Variants in UMODL1 observed in about 807,000 individuals in gnomAD.
The protein encoded by UMODL1 is uromodulin-like 1.
A neutral mutation model predicts 136.3 loss-of-function variants in UMODL1; 128 were observed. That is an observed-to-expected ratio of 0.94 (90% CI 0.81 to 1.09). The LOEUF (loss-of-function observed/expected upper bound fraction) is 1.09, where lower values mean the gene tolerates loss of function less well. Ranked by LOEUF, UMODL1 falls within the 50% of genes least tolerant of loss-of-function variation. The pLI is 0.00. For missense variants in UMODL1, 1,766 were observed against 1,725.6 expected, an observed-to-expected ratio of 1.02 and a Z score of -0.41; for synonymous variants, 721 against 720.0, an observed-to-expected ratio of 1.00 and a Z score of -0.02.
intron 6 of UMODL1, among the ~76,000 whole-genome samples, chr21:42,097,469 TCAG>T (rs2066572126): frequency 6.6e-6 from 1 of 152,154 alleles, no homozygotes; most frequent in Non-Finnish European, 1.5e-5. Context: ...TCTGAGCCTC[TCAG>T]CAGCCAAGGC....
chr21:42,103,232 T>G, intron 8 of UMODL1: 1 of 202,048 alleles, frequency 4.9e-6, no homozygotes, highest in South Asian at 9.8e-5. Context: ...TGTGTAGAAA[T>G]GCCAGAGACC....
At chr21:42,102,574 C>T (rs1216649246) in intron 8 of UMODL1, 1 of 191,684 alleles carries the variant, frequency 5.2e-6, no homozygotes, top group Non-Finnish European at 1.1e-5. Context: ...AACCTTCTGT[C>T]TGAGGGCCCT....
chr21:42,109,605 G>A lies in UMODL1; in HGVS notation c.1563G>A (p.Pro521=), dbSNP rs560407820. 192 of 1,611,478 alleles carry A rather than the reference G, an allele frequency of 1.2e-4. No individual in the cohort carries two copies. The highest frequency in any genetic ancestry group is 4.0e-4 in the South Asian group (36 of 91,082). The change falls in exon 10 of 23, where the codon CCG becomes CCA. Residue 521 remains proline, a synonymous_variant. Transcript: ENST00000408910. ...ACAGCGCGGAACACGACTGCTCACC[G>A]GCTGCCTGGTGCATCAACCTGGAGG... ...CVDSAEHDCS[P]AAWCINLEGS...
intron 20 of UMODL1, among the ~76,000 whole-genome samples, chr21:42,129,359 CT>C (rs1291736020): frequency 3.3e-5 from 5 of 152,294 alleles, no homozygotes; most frequent in African/African-American, 1.2e-4. Flanking sequence ...CTGCAGCAAC[CT>C]TTGGAGAACA....
chr21:42,066,853 C>T (rs529417871), upstream of UMODL1, among the ~76,000 whole-genome samples: 1 of 152,360 alleles, frequency 6.6e-6, no homozygotes, highest in Admixed American at 6.5e-5. Context: ...TTTGCAGTCT[C>T]TTAGCCATTG....
At chr21:42,080,365 G>A (rs890877117) in intron 2 of UMODL1, among the ~76,000 whole-genome samples, 9 of 152,182 alleles carry the variant, frequency 5.9e-5, no homozygotes, top group African/African-American at 9.6e-5. Flanking sequence ...CTGTGGCGGG[G>A]CCTCCAGGTC....
intron 6 of UMODL1, among the ~76,000 whole-genome samples, chr21:42,095,089 G>GTTTTTTTTGT (rs1555922533): frequency 3.3e-5 from 2 of 61,188 alleles, no homozygotes; most frequent in African/African-American, 6.3e-5. Context: ...TTCTTCTGCT[G>GTTTTTTTTGT]TTTTTTTTTT....
intron 2 of UMODL1, among the ~76,000 whole-genome samples, chr21:42,080,602 A>G (rs1346116924): frequency 6.6e-6 from 1 of 152,266 alleles, no homozygotes; most frequent in East Asian, 1.9e-4. Flanking sequence ...CAACTGGTGC[A>G]TTATTTTAAG....
chr21:42,119,252 T>TC lies in UMODL1; in HGVS notation c.2618dup (p.Ala874SerfsTer27), dbSNP rs1192919372. The TC allele has an allele frequency of 6.2e-7, 1 of 1,614,160 alleles. No homozygotes were observed. The highest frequency in any genetic ancestry group is 8.5e-7 in the Non-Finnish European group (1 of 1,180,014). On this transcript the variant is annotated frameshift_variant, in exon 15 of 23. Transcript: ENST00000408910. LOFTEE classifies it high-confidence loss of function. ...CGCAGATGTGGATGTCCAGGAGGTG[T>TC]CAGCTGCATTTCTCACCGCCTTCCA...
chr21:42,076,753 A>T (rs2146422325), intron 2 of UMODL1, among the ~76,000 whole-genome samples: 1 of 152,248 alleles, frequency 6.6e-6, no homozygotes, highest in South Asian at 2.1e-4. Context: ...CGTAGCCAAA[A>T]TCCTATTCTG....
rs1034059936 is a variant in UMODL1 at position 42,085,841 on chromosome 21, GC to G, written c.603+432del. Among the ~76,000 whole-genome samples, 60 of 152,288 alleles carry G rather than the reference GC, an allele frequency of 3.9e-4. No homozygotes were observed. The highest frequency in any genetic ancestry group is 1.3e-3 in the African/African-American group (54 of 41,566). On this transcript the variant is annotated intron_variant, in intron 4 of 22. Transcript: ENST00000408910. The surrounding 1 kb of genome is among the most constrained non-coding windows in gnomAD (Gnocchi z 4.5). ...TGGGAGTGCTGAGATGGGAACCGTA[GC>G]CCAGGGCTGGAGAGCACCCTGGGGT... is the stretch of plus-strand genomic sequence containing the variant.
chr21:42,064,140 G>A (rs550621189), intron 1 of UMODL1, among the ~76,000 whole-genome samples: 3 of 152,110 alleles, frequency 2.0e-5, no homozygotes, highest in Non-Finnish European at 2.9e-5. Context: ...GGCGTTCTCC[G>A]TTGGCAGTTC....
At chr21:42,126,624 G>A in intron 18 of UMODL1, 134 bp downstream of exon 18, 1 of 1,393,590 alleles carries the variant, frequency 7.2e-7, no homozygotes, top group Non-Finnish European at 9.7e-7. Context: ...TGGCCTGGCT[G>A]CTCCCCAAAT....
intron 8 of UMODL1, chr21:42,103,195 G>C (rs577269171): frequency 1.1e-5 from 2 of 189,570 alleles, no homozygotes; most frequent in African/African-American, 2.3e-5. Flanking sequence ...TGGAACAAAA[G>C]GGCAGTTAGT....
intron 1 of UMODL1, among the ~76,000 whole-genome samples, chr21:42,074,945 AG>A (rs948603188): frequency 3.3e-5 from 5 of 150,912 alleles, no homozygotes; most frequent in Non-Finnish European, 7.4e-5. Context: ...TCTGTCACCC[AG>A]GGTGGAGTGC....
rs757737761 is a variant in UMODL1 at position 42,111,698 on chromosome 21, A to AC, written c.2097dup (p.Ala700ArgfsTer69). 75 of 1,606,782 alleles carry AC rather than the reference A, an allele frequency of 4.7e-5. No homozygotes were observed. The highest frequency in any genetic ancestry group is 1.6e-4 in the Middle Eastern group (1 of 6,064). On this transcript the variant is annotated frameshift_variant, in exon 12 of 23. Transcript: ENST00000408910. LOFTEE classifies it high-confidence loss of function. ...GACCTCCACCCTCACAGCTCTGAAG[A>AC]CCCCCGCCTGTGGTGAGTTCCTCGA...
At chr21:42,121,270 G>A (rs760270682) in intron 16 of UMODL1, 46 bp downstream of exon 16, 86 of 1,567,852 alleles carry the variant, frequency 5.5e-5, no homozygotes, top group Admixed American at 2.1e-4. Context: ...TATCATAATC[G>A]GTTTTTTTTA....
intron 9 of UMODL1, chr21:42,108,438 A>G: frequency 2.1e-6 from 1 of 475,288 alleles, no homozygotes; most frequent in South Asian, 1.5e-5. Flanking sequence ...TTCTCCAGGG[A>G]AGCTGCTTCT....
intron 6 of UMODL1, among the ~76,000 whole-genome samples, chr21:42,092,393 G>GTTT (rs33934057): frequency 0.024 from 3,563 of 147,680 alleles, 56 homozygotes; most frequent in Middle Eastern, 0.066. Context: ...GGGTTTTTTT[G>GTTT]TTTTTTTTTT....
Sources: gnomAD v4.1 joint callset for allele counts (sites outside exome capture counted in the v4.1 genomes callset) on GRCh38, gnomAD v4.1.1 for gene constraint, Gnocchi (gnomAD v3.1) non-coding constraint, MANE v1.5 for transcripts, NCBI Gene and HGNC (gene_info 2026-07-23, HGNC 2026-07-21) for gene names.